The following RP1 variants were observed in gnomAD, a reference collection of about 807,000 sequenced individuals.
RP1 encodes the protein RP1 axonemal microtubule associated.
A neutral mutation model predicts 14.8 loss-of-function variants in RP1; 16 were observed. That is an observed-to-expected ratio of 1.08 (90% CI 0.73 to 1.65). The LOEUF (loss-of-function observed/expected upper bound fraction) is 1.65, where lower values mean the gene tolerates loss of function less well. Ranked by LOEUF, RP1 falls within the 40% of genes most tolerant of loss-of-function variation. The pLI, the probability that RP1 is intolerant of heterozygous loss-of-function variation, is 0.00. For missense variants in RP1, 2,631 were observed against 2,535.0 expected, an observed-to-expected ratio of 1.04 and a Z score of -0.81; for synonymous variants, 876 against 883.6, an observed-to-expected ratio of 0.99 and a Z score of 0.15.
At chr8:54,587,244 G>T (rs1441468980) in intron 1 of RP1, among the ~76,000 whole-genome samples, 3 of 152,128 alleles carry the variant, frequency 2.0e-5, no homozygotes, top group Non-Finnish European at 4.4e-5. Flanking sequence ...TGGCCAACAT[G>T]GCGAAACCCT....
chr8:54,648,395 CAT>C (rs1391494483), intron 3 of RP1, among the ~76,000 whole-genome samples: 1 of 152,052 alleles, frequency 6.6e-6, no homozygotes, highest in Non-Finnish European at 1.5e-5. Flanking sequence ...GCATTGTTTT[CAT>C]TTGTTTCTAG....
chr8:54,829,187 T>C (rs1811461546), intron 24 of RP1, among the ~76,000 whole-genome samples: 1 of 152,172 alleles, frequency 6.6e-6, no homozygotes, highest in South Asian at 2.1e-4. Context: ...CAAATGTTGT[T>C]ATGCAGTGCA....
intron 26 of RP1, chr8:54,852,819 T>G: frequency 1.1e-6 from 1 of 942,302 alleles, no homozygotes; most frequent in Non-Finnish European, 1.4e-6. Flanking sequence ...ATTTCTGAGA[T>G]GCTCAGTTGA....
At chr8:54,646,342 T>C (rs1343124732) in intron 3 of RP1, among the ~76,000 whole-genome samples, 1 of 151,982 alleles carries the variant, frequency 6.6e-6, no homozygotes, top group Non-Finnish European at 1.5e-5. Flanking sequence ...TCTTATTCAT[T>C]ATGTTAGTTT....
At chr8:54,586,150 G>A (rs899981679) in intron 1 of RP1, among the ~76,000 whole-genome samples, 1 of 152,180 alleles carries the variant, frequency 6.6e-6, no homozygotes, top group African/African-American at 2.4e-5. Context: ...GGTCTTTGAT[G>A]ATGGTGACAA....
At chr8:54,820,376 G>A (rs1354828909) in intron 24 of RP1, among the ~76,000 whole-genome samples, 1 of 152,140 alleles carries the variant, frequency 6.6e-6, no homozygotes, top group Non-Finnish European at 1.5e-5. Context: ...TGCAGTCCTT[G>A]TGGCCTGACT....
intron 22 of RP1, among the ~76,000 whole-genome samples, chr8:54,760,896 A>G (rs1010245205): frequency 6.6e-6 from 1 of 152,130 alleles, no homozygotes; most frequent in South Asian, 2.1e-4. Flanking sequence ...CTCAATGTGT[A>G]CTCAGAACTT....
chr8:54,654,910 G>T (rs767141863), intron 5 of RP1, among the ~76,000 whole-genome samples: 1 of 152,276 alleles, frequency 6.6e-6, no homozygotes, highest in South Asian at 2.1e-4. Context: ...GGCCCACAAA[G>T]TGCTGGGATT....
In RP1 at chr8:54,852,910, TAACTC is replaced by T. The variant is rs367776140; in HGVS notation, c.3990+186_3990+190del. Among the ~76,000 whole-genome samples the T allele has an allele frequency of 1.2e-3, 190 of 152,302 alleles. 1 individual carries two copies. The highest frequency in any genetic ancestry group is 4.4e-3 in the African/African-American group (181 of 41,558). On this transcript the variant is annotated intron_variant, in intron 26 of 28. Coordinates refer to the RP1 transcript ENST00000637698. ...CTGGAGTTGAGTAGAGGATGGGACT[TAACTC>T]AACAAACACAATATTCTACTTCCAG...
rs117448872 is a variant in RP1, at chr8:54,860,422, A to G, written c.4069+3316A>G. Reference sequence around the variant, plus strand: ...ATACAGTTATGTCTAGGGTTATCTAACCACAAATGGAATATAGAAAGCTTC... The same window carrying G: ...ATACAGTTATGTCTAGGGTTATCTAGCCACAAATGGAATATAGAAAGCTTC... On this transcript the variant is annotated intron_variant, in intron 27 of 28. Transcript: ENST00000637698. Among the ~76,000 whole-genome samples the G allele has an allele frequency of 7.9e-3, 1,191 of 151,660 alleles. 10 individuals carry two copies. Among genetic ancestry groups the G allele is most frequent in the Non-Finnish European group, 0.012 (822 of 68,016 alleles).
intron 2 of RP1, 114 bp from the exon 3 acceptor site, chr8:54,622,003 G>A (rs1805893700): frequency 1.9e-6 from 2 of 1,043,954 alleles, no homozygotes; most frequent in Non-Finnish European, 2.9e-6. Flanking sequence ...AAAATGCTCA[G>A]TGATGATGTC....
intron 1 of RP1, among the ~76,000 whole-genome samples, chr8:54,600,827 C>T (rs958827928): frequency 6.6e-6 from 1 of 152,150 alleles, no homozygotes; most frequent in Admixed American, 6.5e-5. Flanking sequence ...TAAATCTGCT[C>T]CTATCGGTGT....
intron 15 of RP1, among the ~76,000 whole-genome samples, chr8:54,707,705 C>G (rs923249980): frequency 3.9e-5 from 6 of 152,224 alleles, no homozygotes; most frequent in Admixed American, 1.3e-4. Context: ...GGAGGGAGGA[C>G]TTTGACCTTT....
At chr8:54,706,730 C>G (rs1808159820) in intron 15 of RP1, 10 of 1,438,702 alleles carry the variant, frequency 7.0e-6, no homozygotes, top group Non-Finnish European at 9.4e-6. Flanking sequence ...ATAGCACTTT[C>G]TGAGTGGGTT....
At chr8:54,653,852 T>C (rs1223334833) in intron 5 of RP1, among the ~76,000 whole-genome samples, 1 of 152,220 alleles carries the variant, frequency 6.6e-6, no homozygotes, top group African/African-American at 2.4e-5. Context: ...AATATCTTTT[T>C]TTCTTCCCTC....
chr8:54,625,113 C>G lies in RP1; in HGVS notation c.1231C>G (p.Gln411Glu). The G allele has an allele frequency of 6.2e-7, 1 of 1,614,136 alleles. No homozygotes were observed. Among genetic ancestry groups the G allele is most frequent in the South Asian group, 1.1e-5 (1 of 91,078 alleles). The change falls in exon 4 of 4, where the codon CAA (glutamine) becomes GAA (glutamate). Residue 411 changes from glutamine (Q) to glutamate (E), a missense_variant. Coordinates refer to ENST00000220676, the MANE Select transcript of RP1 (RefSeq NM_006269.2). Reference sequence around the variant, plus strand: ...CAGTTTGGCAGAGGAGATAAACATTCAAATGACAGATCAAGTGGCTGAAAC... The same window carrying G: ...CAGTTTGGCAGAGGAGATAAACATTGAAATGACAGATCAAGTGGCTGAAAC... The part of the protein sequence containing the change: ...EGSLAEEINI[Q>E]MTDQVAETCS...
chr8:54,603,717 GC>G (rs1216997925), intron 1 of RP1, among the ~76,000 whole-genome samples: 8 of 152,126 alleles, frequency 5.3e-5, no homozygotes, highest in Non-Finnish European at 1.0e-4. Flanking sequence ...ATTTCATTGA[GC>G]AGTGGTTTGT....
chr8:54,629,353 G>A lies in RP1; in HGVS notation c.5471G>A (p.Gly1824Asp). 3 of 1,614,104 alleles carry A rather than the reference G, an allele frequency of 1.9e-6. No homozygotes were observed. The highest frequency in any genetic ancestry group is 1.1e-5 in the South Asian group (1 of 91,072). The change falls in exon 4 of 4, where the codon GGT becomes GAT. Residue 1824 changes from glycine (G) to aspartate (D), a missense_variant. Physicochemically the swap from Gly to Asp is moderately conservative, Grantham distance 94 (BLOSUM62 -1). Transcript: ENST00000220676. ...LKCNYFNMPH[G>D]SDSEPFHEDL... is the part of the protein sequence containing the mutation. ...TGCAATTACTTTAACATGCCTCATG[G>A]TAGTGACTCAGAACCTTTTCATGAG... is the stretch of plus-strand genomic sequence containing the variant.
rs1806137041 is a variant in RP1 at position 54,628,282 on chromosome 8, C to T, written c.4400C>T (p.Ser1467Phe). The change falls in exon 4 of 4, where the codon TCT becomes TTT. Residue 1467 changes from serine (S) to phenylalanine (F), a missense_variant. Ser to Phe is a radical substitution (Grantham distance 155). Transcript: ENST00000220676. ...SSERNISELE[S>F]FEELENHDTD... is the part of the protein sequence containing the mutation. ...GAAAGAAACATTTCAGAATTGGAATCTTTTGAAGAATTAGAAAACCATGAC... is the reference window on the plus strand; with the variant it reads ...GAAAGAAACATTTCAGAATTGGAATTTTTTGAAGAATTAGAAAACCATGAC... The T allele has an allele frequency of 6.2e-7, 1 of 1,613,886 alleles. No individual in the cohort carries two copies.
Sources: allele counts gnomAD v4.1 joint callset (sites outside exome capture counted in the v4.1 genomes callset), GRCh38; gene constraint gnomAD v4.1.1; transcripts MANE v1.5; gene names NCBI Gene and HGNC (gene_info 2026-07-23, HGNC 2026-07-21).